Variants in GRM8 observed in about 807,000 individuals in gnomAD.
GRM8 encodes glutamate metabotropic receptor 8, also known as metabotropic glutamate receptor 8.
GRM8 carries 47 observed loss-of-function variants against 87.2 expected under a neutral mutation model. The observed-to-expected ratio is 0.54, with a 90% confidence interval of 0.43 to 0.69. The LOEUF is 0.69. Among genes scored for constraint, GRM8 ranks in the 30% least tolerant of loss-of-function variants. The pLI is 0.00. For synonymous variants in GRM8, 396 were observed against 404.5 expected (o/e 0.98, Z 0.25); for missense variants, 1,019 against 1,139.2 (o/e 0.89, Z 1.52).
At chr7:127,065,938 T>C (rs956005955) in intron 3 of GRM8, among the ~76,000 whole-genome samples, 1 of 152,240 alleles carries the variant, frequency 6.6e-6, no homozygotes, top group Non-Finnish European at 1.5e-5. Flanking sequence ...CAAAAACTGA[T>C]CTTCAGAAAA....
chr7:127,138,295 T>C lies in GRM8; in HGVS notation c.511-31583A>G, dbSNP rs533053802. Among the ~76,000 whole-genome samples the C allele has an allele frequency of 1.8e-4, 27 of 152,256 alleles. No homozygotes were observed. The South Asian group carries it at 5.4e-3, about 30-fold the overall frequency. ...TTAATTTCATATAATTGGGCCAGTA[T>C]ACCCAGAGGCTCGAATATTCCCTAT... On this transcript the variant is annotated intron_variant, in intron 2 of 10. Transcript: ENST00000339582.
intron 2 of GRM8, among the ~76,000 whole-genome samples, chr7:127,179,531 C>G (rs1442720465): frequency 1.3e-5 from 2 of 152,088 alleles, no homozygotes; most frequent in Non-Finnish European, 2.9e-5. Flanking sequence ...TTTCATCCAA[C>G]AACCGCAAAA....
intron 2 of GRM8, among the ~76,000 whole-genome samples, chr7:127,163,879 T>C (rs1026427265): frequency 2.0e-5 from 3 of 152,106 alleles, no homozygotes; most frequent in Non-Finnish European, 4.4e-5. Context: ...CTGTTTCCCA[T>C]AGGGACCTGG....
chr7:126,677,472 G>A (rs1249862632), intron 7 of GRM8, among the ~76,000 whole-genome samples: 1 of 151,908 alleles, frequency 6.6e-6, no homozygotes, highest in Non-Finnish European at 1.5e-5. Context: ...CAACTGATGA[G>A]TGTATAAATA....
intron 6 of GRM8, among the ~76,000 whole-genome samples, chr7:126,771,863 A>G (rs1432548659): frequency 6.6e-6 from 1 of 152,050 alleles, no homozygotes; most frequent in Non-Finnish European, 1.5e-5. Context: ...CAAAAGTTAT[A>G]TTGTCTCCTT....
chr7:127,170,583 A>G (rs1793736525), intron 2 of GRM8, among the ~76,000 whole-genome samples: 1 of 152,226 alleles, frequency 6.6e-6, no homozygotes, highest in African/African-American at 2.4e-5. Context: ...AAAACATGGA[A>G]CCAGCCCAAA....
intron 7 of GRM8, among the ~76,000 whole-genome samples, chr7:126,689,927 C>T (rs1808622207): frequency 6.6e-6 from 1 of 152,008 alleles, no homozygotes; most frequent in South Asian, 2.1e-4. Context: ...GTCTGTTTTC[C>T]TGTGTTTAAG....
chr7:126,979,517 G>C (rs959802348), intron 3 of GRM8, among the ~76,000 whole-genome samples: 1 of 152,148 alleles, frequency 6.6e-6, no homozygotes, highest in African/African-American at 2.4e-5. Context: ...GCATTTATAT[G>C]AGCCTAGTCC....
At position 127,185,570 on chromosome 7, in the gene GRM8, T is replaced by C. The variant is rs149021723; in HGVS notation, c.510+57125A>G. ...CACCTTGAGTTTGACAACGAATTTT[T>C]AGATACAACACCAAAGCATAATCTA... On this transcript the variant is annotated intron_variant, in intron 2 of 10. Transcript: ENST00000339582. Among the ~76,000 whole-genome samples, 540 of 152,270 alleles carry C rather than the reference T, an allele frequency of 3.5e-3. 3 individuals are homozygous for C. The highest frequency in any genetic ancestry group is 0.012 in the African/African-American group (504 of 41,570).
chr7:127,111,989 T>C (rs1476680083), intron 2 of GRM8, among the ~76,000 whole-genome samples: 3 of 151,072 alleles, frequency 2.0e-5, no homozygotes, highest in South Asian at 4.2e-4. Context: ...AATCACACCA[T>C]TGCAATCCTG....
chr7:126,720,711 T>A (rs1209792635), intron 7 of GRM8, among the ~76,000 whole-genome samples: 1 of 152,182 alleles, frequency 6.6e-6, no homozygotes, highest in Non-Finnish European at 1.5e-5. Flanking sequence ...CAAAAATACA[T>A]GTGGATCTCT....
chr7:127,107,019 T>A (rs1825872791), intron 2 of GRM8, among the ~76,000 whole-genome samples: 1 of 152,208 alleles, frequency 6.6e-6, no homozygotes, highest in Non-Finnish European at 1.5e-5. Flanking sequence ...TTGATGTTGC[T>A]TTTTTAGTCT....
chr7:127,164,569 T>G (rs1014314449), intron 2 of GRM8, among the ~76,000 whole-genome samples: 1 of 152,204 alleles, frequency 6.6e-6, no homozygotes, highest in Admixed American at 6.5e-5. Context: ...GAACAATGTA[T>G]TCATTCAGTT....
intron 6 of GRM8, among the ~76,000 whole-genome samples, chr7:126,875,076 A>G (rs191131675): frequency 1.5e-3 from 226 of 152,288 alleles, no homozygotes; most frequent in Non-Finnish European, 2.6e-3. Flanking sequence ...ACTATAAATC[A>G]GCACCTTTCA....
chr7:126,864,723 T>C (rs561085520), intron 6 of GRM8, among the ~76,000 whole-genome samples: 1 of 152,298 alleles, frequency 6.6e-6, no homozygotes, highest in Non-Finnish European at 1.5e-5. Flanking sequence ...TCAGACTGAT[T>C]CATTTTCTGA....
intron 2 of GRM8, among the ~76,000 whole-genome samples, chr7:127,122,156 A>G (rs1486626636): frequency 6.6e-6 from 1 of 152,226 alleles, no homozygotes; most frequent in Non-Finnish European, 1.5e-5. Context: ...CTTTGTACAT[A>G]GCAGATAACA....
At chr7:127,026,235 A>G (rs1816763841) in intron 3 of GRM8, among the ~76,000 whole-genome samples, 1 of 152,050 alleles carries the variant, frequency 6.6e-6, no homozygotes, top group Non-Finnish European at 1.5e-5. Flanking sequence ...CATTTTCTTT[A>G]TCCAGTCTAT....
intron 3 of GRM8, among the ~76,000 whole-genome samples, chr7:127,070,800 G>A (rs1016884212): frequency 2.0e-5 from 3 of 152,142 alleles, no homozygotes; most frequent in Non-Finnish European, 2.9e-5. Flanking sequence ...CAGGGTTTTA[G>A]AACTGGTGAC....
chr7:126,499,703 C>T (rs1386644280), intron 9 of GRM8, among the ~76,000 whole-genome samples: 2 of 151,840 alleles, frequency 1.3e-5, no homozygotes, highest in Non-Finnish European at 2.9e-5. Context: ...ATCATCTGAT[C>T]TCACTTATGC....
Sources: allele counts gnomAD v4.1 joint callset (sites outside exome capture counted in the v4.1 genomes callset), GRCh38; gene constraint gnomAD v4.1.1; transcripts MANE v1.5; gene names NCBI Gene and HGNC (gene_info 2026-07-23, HGNC 2026-07-21).